Variants in SNX29 observed in about 807,000 individuals in gnomAD.
SNX29 encodes sorting nexin 29, also known as sorting nexin-29.
A neutral mutation model predicts 102.1 loss-of-function variants in SNX29; 78 were observed. The ratio of observed to expected loss-of-function variants is 0.76; its 90% CI spans 0.64 to 0.92. The LOEUF (loss-of-function observed/expected upper bound fraction) is 0.92. Among genes scored for constraint, SNX29 ranks in the 40% least tolerant of loss-of-function variants. The probability of loss-of-function intolerance (pLI) is 0.00; values close to 1 mark genes in which losing one functional copy is unlikely to be tolerated. For missense variants in SNX29, 1,280 were observed against 1,061.7 expected, an observed-to-expected ratio of 1.21 and a Z score of -2.86; for synonymous variants, 580 against 414.5, an observed-to-expected ratio of 1.40 and a Z score of -4.85.
chr16:12,514,860 G>T (rs180924402), intron 19 of SNX29, among the ~76,000 whole-genome samples: 79 of 150,736 alleles, frequency 5.2e-4, no homozygotes, highest in Admixed American at 8.0e-4. Context: ...GCAAAATTAG[G>T]TCTCTAAAAA....
At chr16:12,123,792 T>A (rs898691957) in intron 11 of SNX29, among the ~76,000 whole-genome samples, 5 of 152,166 alleles carry the variant, frequency 3.3e-5, no homozygotes, top group African/African-American at 1.2e-4. Flanking sequence ...AAATGTTTTC[T>A]GGAAAGGGCT....
chr16:12,455,396 A>G (rs1031096658), intron 18 of SNX29, among the ~76,000 whole-genome samples: 1 of 152,104 alleles, frequency 6.6e-6, no homozygotes, highest in African/African-American at 2.4e-5. Context: ...CAAGCCCTGC[A>G]TACCGGCTTG....
At chr16:12,329,184 G>T (rs1259406970) in intron 15 of SNX29, among the ~76,000 whole-genome samples, 2 of 147,938 alleles carry the variant, frequency 1.4e-5, no homozygotes, top group African/African-American at 5.0e-5. Flanking sequence ...GGCTGAGGCA[G>T]GAGGATCTCT....
At chr16:12,449,608 G>A (rs920171339) in intron 18 of SNX29, among the ~76,000 whole-genome samples, 3 of 152,218 alleles carry the variant, frequency 2.0e-5, no homozygotes, top group Non-Finnish European at 2.9e-5. Flanking sequence ...AGCACCTCCC[G>A]TGCTCCAGCT....
chr16:12,056,127 C>T (rs1025302755), intron 8 of SNX29, among the ~76,000 whole-genome samples: 1 of 152,246 alleles, frequency 6.6e-6, no homozygotes, highest in African/African-American at 2.4e-5. Flanking sequence ...AGTGATCCAC[C>T]TGCTTCAGCC....
intron 15 of SNX29, among the ~76,000 whole-genome samples, chr16:12,331,767 G>C (rs2081298501): frequency 6.6e-6 from 1 of 152,190 alleles, no homozygotes; most frequent in Admixed American, 6.5e-5. Flanking sequence ...GGCCAGGCTG[G>C]TCTTGAACTC....
chr16:12,373,496 A>C (rs2082762652), intron 16 of SNX29, among the ~76,000 whole-genome samples: 1 of 152,248 alleles, frequency 6.6e-6, no homozygotes, highest in Non-Finnish European at 1.5e-5. Flanking sequence ...GGTTTTAAAC[A>C]GTAAATGCCT....
At chr16:12,237,838 A>G (rs1259009499) in intron 14 of SNX29, among the ~76,000 whole-genome samples, 1 of 152,118 alleles carries the variant, frequency 6.6e-6, no homozygotes, top group East Asian at 1.9e-4. Context: ...AACCCGGGAG[A>G]TGGAGGTTGC....
intron 20 of SNX29, among the ~76,000 whole-genome samples, chr16:12,543,144 C>T (rs576771817): frequency 2.1e-4 from 32 of 152,188 alleles, no homozygotes; most frequent in Non-Finnish European, 4.4e-4. Flanking sequence ...AGATCCAGGC[C>T]CTGAAGCATA....
At chr16:12,017,188 A>T (rs988532621) in intron 3 of SNX29, among the ~76,000 whole-genome samples, 11 of 152,134 alleles carry the variant, frequency 7.2e-5, no homozygotes, top group African/African-American at 2.7e-4. Context: ...AGCAATTCAT[A>T]TTTCTATTCC....
At chr16:12,043,293 C>T (rs1040856752) in intron 5 of SNX29, among the ~76,000 whole-genome samples, 1 of 151,922 alleles carries the variant, frequency 6.6e-6, no homozygotes, top group African/African-American at 2.4e-5. Context: ...CACTTGCATA[C>T]AGCCAGCTTG....
At chr16:12,265,532 G>T (rs1284201631) in intron 14 of SNX29, among the ~76,000 whole-genome samples, 4 of 151,986 alleles carry the variant, frequency 2.6e-5, no homozygotes, top group Non-Finnish European at 4.4e-5. Flanking sequence ...TTTAAAAAGA[G>T]GGCAGGCTCT....
intron 15 of SNX29, among the ~76,000 whole-genome samples, chr16:12,290,228 G>A (rs1334052819): frequency 2.6e-5 from 4 of 152,158 alleles, no homozygotes; most frequent in Admixed American, 6.5e-5. Context: ...TTCCTCTTCA[G>A]TCATGCTTCT....
chr16:12,268,812 T>G (rs926706103), intron 14 of SNX29, among the ~76,000 whole-genome samples: 1 of 152,202 alleles, frequency 6.6e-6, no homozygotes, highest in South Asian at 2.1e-4. Context: ...TCATACTGTT[T>G]GCCATGCCGC....
At chr16:12,133,641 T>G (rs943849164) in intron 13 of SNX29, among the ~76,000 whole-genome samples, 1 of 152,000 alleles carries the variant, frequency 6.6e-6, no homozygotes, top group Non-Finnish European at 1.5e-5. Context: ...CCTCATAGAG[T>G]TTTGTTGAAT....
intron 14 of SNX29, among the ~76,000 whole-genome samples, chr16:12,251,466 G>T (rs991709339): frequency 1.3e-5 from 2 of 152,174 alleles, no homozygotes; most frequent in African/African-American, 2.4e-5. Flanking sequence ...ACTTTGGGGG[G>T]CCAAGGTGGG....
At chr16:12,235,439 T>G (rs1389230061) in intron 14 of SNX29, among the ~76,000 whole-genome samples, 2 of 152,178 alleles carry the variant, frequency 1.3e-5, no homozygotes, top group Non-Finnish European at 2.9e-5. Flanking sequence ...GAGGTACATA[T>G]TTGGCATGTC....
At chr16:12,005,205 G>C (rs767388170) in intron 3 of SNX29, among the ~76,000 whole-genome samples, 3 of 152,162 alleles carry the variant, frequency 2.0e-5, no homozygotes, top group Admixed American at 6.6e-5. Context: ...TAGATCATTC[G>C]ACTGATTGAT....
Position 12,256,622 on chromosome 16 carries a change from C to T in SNX29, c.1679-21311C>T, listed in dbSNP as rs551555910. On this transcript the variant is annotated intron_variant, in intron 14 of 20. Transcript: ENST00000566228. ...GATTACAGGTGTGAGCCACTGCGCCCGGCCTCCTGAGAATTTTTTTTGAAG... is the reference window on the plus strand; with the variant it reads ...GATTACAGGTGTGAGCCACTGCGCCTGGCCTCCTGAGAATTTTTTTTGAAG... Among the ~76,000 whole-genome samples the T allele has an allele frequency of 9.8e-5, 15 of 152,296 alleles. No homozygotes were observed. In the South Asian group the frequency reaches 1.0e-3, roughly 11 times the overall value.
Sources: gnomAD v4.1 joint callset for allele counts (sites outside exome capture counted in the v4.1 genomes callset) on GRCh38, gnomAD v4.1.1 for gene constraint, MANE v1.5 for transcripts, NCBI Gene and HGNC (gene_info 2026-07-23, HGNC 2026-07-21) for gene names.